The following RASEF variants were observed in gnomAD, a reference collection of about 807,000 sequenced individuals.
RASEF encodes ras and EF-hand domain-containing protein.
A neutral mutation model predicts 90.1 loss-of-function variants in RASEF; 68 were observed. The ratio of observed to expected loss-of-function variants is 0.75; its 90% CI spans 0.62 to 0.92. RASEF has a LOEUF of 0.92. Among genes scored for constraint, RASEF ranks in the 40% least tolerant of loss-of-function variants. The probability of loss-of-function intolerance (pLI) is 0.00; values close to 1 mark genes in which losing one functional copy is unlikely to be tolerated. For synonymous variants in RASEF, 331 were observed against 345.2 expected, an observed-to-expected ratio of 0.96 and a Z score of 0.46; for missense variants, 949 against 937.2, an observed-to-expected ratio of 1.01 and a Z score of -0.16.
At chr9:83,089,892 TGATAGATAGATAGATAGATAGATA>T in the RASEF span, among the ~76,000 whole-genome samples, 27 of 144,962 alleles carry the variant, frequency 1.9e-4, no homozygotes, top group Admixed American at 6.2e-4. Context: ...TATAGATAGA[TGATAGATAGATAGATAGATAGATA>T]GATAGATAGA....
chr9:82,987,834 G>C (rs891475682), intron 16 of RASEF, among the ~76,000 whole-genome samples: 6 of 152,166 alleles, frequency 3.9e-5, no homozygotes, highest in Non-Finnish European at 8.8e-5. Context: ...AAGAAATACA[G>C]GGACTTGTTC....
chr9:82,982,529 G>T lies in RASEF; in HGVS notation c.*148C>A, dbSNP rs540354457. The T allele has an allele frequency of 2.0e-5, 12 of 598,360 alleles. No individual in the cohort carries two copies. In the East Asian group the frequency reaches 3.3e-4, roughly 17 times the overall value. The allele number at this position is 598,360 out of a possible 1,614,324, so 37.1% of individuals were successfully genotyped here. ...ACAAAGAAGAGCCAAAGTTCCAGAG[G>T]GACCTGAGAGCTGGGTTCAGGTTTC... On this transcript the variant is annotated 3_prime_UTR_variant, in exon 17 of 17. Transcript: ENST00000376447.
At chr9:83,104,976 A>G in the RASEF span, among the ~76,000 whole-genome samples, 1 of 152,182 alleles carries the variant, frequency 6.6e-6, no homozygotes, top group Admixed American at 6.5e-5. Context: ...ACAAGAATAA[A>G]GAAATATAGA....
the RASEF span, among the ~76,000 whole-genome samples, chr9:83,210,641 T>C: frequency 6.6e-6 from 1 of 152,258 alleles, no homozygotes; most frequent in African/African-American, 2.4e-5. Context: ...GCTTAGAAAC[T>C]ATCATGTATT....
the RASEF span, among the ~76,000 whole-genome samples, chr9:83,214,843 GA>G: frequency 6.6e-6 from 1 of 151,962 alleles, no homozygotes; most frequent in African/African-American, 2.4e-5. Flanking sequence ...ACACTGGGTA[GA>G]AAAGGGTGGT....
the RASEF span, among the ~76,000 whole-genome samples, chr9:83,181,408 T>C: frequency 6.6e-6 from 1 of 152,142 alleles, no homozygotes; most frequent in African/African-American, 2.4e-5. Flanking sequence ...TGTTCAATCA[T>C]ATTGAGGAAG....
At chr9:83,153,984 G>A in the RASEF span, among the ~76,000 whole-genome samples, 2 of 152,180 alleles carry the variant, frequency 1.3e-5, no homozygotes, top group Non-Finnish European at 2.9e-5. Context: ...AATGCATAGC[G>A]TATAGCGTCT....
At chr9:83,124,129 C>T in the RASEF span, among the ~76,000 whole-genome samples, 4 of 152,276 alleles carry the variant, frequency 2.6e-5, no homozygotes, top group Non-Finnish European at 5.9e-5. Context: ...TTCGAATTTC[C>T]GTACTTTTTA....
At chr9:83,137,732 A>C in the RASEF span, among the ~76,000 whole-genome samples, 1 of 151,802 alleles carries the variant, frequency 6.6e-6, no homozygotes, top group African/African-American at 2.4e-5. Flanking sequence ...CAGAGATGGG[A>C]GACTGGACAT....
At chr9:82,982,843 G>A (rs1828639514) in intron 16 of RASEF, 61 bp from the exon 17 acceptor site, 1 of 974,644 alleles carries the variant, frequency 1.0e-6, no homozygotes, top group Admixed American at 1.7e-5. Context: ...GGATTACTGA[G>A]GTATAAAAAC....
At chr9:83,082,708 C>G in the RASEF span, among the ~76,000 whole-genome samples, 63 of 152,230 alleles carry the variant, frequency 4.1e-4, no homozygotes, top group Non-Finnish European at 4.3e-4. Context: ...AATAAGACTT[C>G]AAGGCTACAA....
At chr9:83,021,583 C>G (rs2118556863) in intron 3 of RASEF, among the ~76,000 whole-genome samples, 2 of 152,292 alleles carry the variant, frequency 1.3e-5, no homozygotes, top group South Asian at 4.2e-4. Context: ...TTCATATCCA[C>G]AAGTTCTGCA....
chr9:83,059,778 T>A (rs1183051182), intron 1 of RASEF, among the ~76,000 whole-genome samples: 1 of 152,170 alleles, frequency 6.6e-6, no homozygotes, highest in Non-Finnish European at 1.5e-5. Context: ...ATCCTGACCT[T>A]GCAGACCCTT....
At chr9:83,194,730 T>C in the RASEF span, among the ~76,000 whole-genome samples, 4 of 152,380 alleles carry the variant, frequency 2.6e-5, no homozygotes, top group South Asian at 6.2e-4. Context: ...TGTATCAGCA[T>C]GGCCTCAGGG....
the RASEF span, among the ~76,000 whole-genome samples, chr9:83,182,737 T>C: frequency 6.6e-6 from 1 of 152,110 alleles, no homozygotes; most frequent in Non-Finnish European, 1.5e-5. Context: ...AAAAAATAAA[T>C]ATGTGCAAGT....
intron 1 of RASEF, among the ~76,000 whole-genome samples, chr9:83,034,565 C>T (rs1420242050): frequency 1.3e-5 from 2 of 152,126 alleles, no homozygotes; most frequent in Non-Finnish European, 2.9e-5. Context: ...AGGAACAATC[C>T]AGATTACAAA....
chr9:82,990,312 A>G (rs1828788970), intron 16 of RASEF, 79 bp downstream of exon 16: 1 of 929,350 alleles, frequency 1.1e-6, no homozygotes, highest in Non-Finnish European at 1.8e-6. Flanking sequence ...CATATATTCT[A>G]TCTGCACATT....
chr9:83,148,569 G>C, the RASEF span, among the ~76,000 whole-genome samples: 1 of 152,158 alleles, frequency 6.6e-6, no homozygotes, highest in East Asian at 1.9e-4. Flanking sequence ...AACCAACCCT[G>C]CCAGGACCTT....
chr9:83,101,011 G>T, the RASEF span, among the ~76,000 whole-genome samples: 1 of 152,100 alleles, frequency 6.6e-6, no homozygotes, highest in Non-Finnish European at 1.5e-5. Context: ...TGCTCCTCCA[G>T]TTTCAAATAT....
Sources: gnomAD v4.1 joint callset for allele counts (sites outside exome capture counted in the v4.1 genomes callset) on GRCh38, gnomAD v4.1.1 for gene constraint, MANE v1.5 for transcripts, NCBI Gene and HGNC (gene_info 2026-07-23, HGNC 2026-07-21) for gene names.